Variants in SUGCT observed in about 807,000 individuals in gnomAD.
SUGCT encodes the protein succinyl-CoA:glutarate-CoA transferase.
A neutral mutation model predicts 55.0 loss-of-function variants in SUGCT; 41 were observed. The ratio of observed to expected loss-of-function variants is 0.74; its 90% CI spans 0.58 to 0.97. SUGCT has a LOEUF of 0.97. SUGCT is among the 50% of genes least tolerant of loss of function. The pLI, the probability that SUGCT is intolerant of heterozygous loss-of-function variation, is 0.00. For missense variants in SUGCT, 568 were observed against 547.8 expected, an observed-to-expected ratio of 1.04 and a Z score of -0.37; for synonymous variants, 187 against 200.4, an observed-to-expected ratio of 0.93 and a Z score of 0.56.
chr7:40,198,676 C>T (rs532166303), intron 6 of SUGCT, among the ~76,000 whole-genome samples: 2 of 142,828 alleles, frequency 1.4e-5, no homozygotes, highest in East Asian at 3.9e-4. Context: ...GCCTGACCAA[C>T]ATGACAAAAC....
intron 9 of SUGCT, among the ~76,000 whole-genome samples, chr7:40,376,908 G>T (rs868438907): frequency 2.6e-5 from 4 of 151,482 alleles, no homozygotes; most frequent in African/African-American, 9.7e-5. Context: ...TTTCTGAAGG[G>T]TATTTTCACT....
chr7:40,452,116 G>A (rs746877906), intron 10 of SUGCT, among the ~76,000 whole-genome samples: 3 of 152,222 alleles, frequency 2.0e-5, no homozygotes, highest in African/African-American at 7.2e-5. Flanking sequence ...AGCTATATTA[G>A]TGAGCTTTCA....
intron 13 of SUGCT, among the ~76,000 whole-genome samples, chr7:40,796,250 G>C (rs1165586350): frequency 6.6e-6 from 1 of 152,066 alleles, no homozygotes; most frequent in Non-Finnish European, 1.5e-5. Flanking sequence ...TCTGAGTGTT[G>C]GTGTCCCATT....
At chr7:40,246,879 G>A (rs531301820) in intron 7 of SUGCT, among the ~76,000 whole-genome samples, 71 of 152,166 alleles carry the variant, frequency 4.7e-4, no homozygotes, top group African/African-American at 1.4e-3. Flanking sequence ...GATTACAGAC[G>A]TGAGCCACCA....
chr7:40,995,767 C>T, the SUGCT span, among the ~76,000 whole-genome samples: 1 of 152,100 alleles, frequency 6.6e-6, no homozygotes, highest in Non-Finnish European at 1.5e-5. Context: ...CCTGGCAATC[C>T]ACCTACAGGC....
intron 12 of SUGCT, among the ~76,000 whole-genome samples, chr7:40,743,861 A>G (rs1016992222): frequency 3.9e-5 from 6 of 152,038 alleles, no homozygotes; most frequent in Admixed American, 3.3e-4. Flanking sequence ...TTAGAAAGAG[A>G]TATTATTATC....
At chr7:40,847,387 CAT>C (rs1418421687) in intron 13 of SUGCT, among the ~76,000 whole-genome samples, 1 of 145,386 alleles carries the variant, frequency 6.9e-6, no homozygotes, top group Non-Finnish European at 1.5e-5. Context: ...CTGGAGATGA[CAT>C]ATACATTTCT....
intron 11 of SUGCT, among the ~76,000 whole-genome samples, chr7:40,475,443 C>A (rs1407970794): frequency 6.6e-6 from 1 of 152,118 alleles, no homozygotes; most frequent in African/African-American, 2.4e-5. Flanking sequence ...TCGGTGAAAT[C>A]CAGGAATACT....
the SUGCT span, among the ~76,000 whole-genome samples, chr7:40,905,490 G>A: frequency 6.6e-6 from 1 of 152,080 alleles, no homozygotes; most frequent in Non-Finnish European, 1.5e-5. Flanking sequence ...CCCAGTTCAA[G>A]TTTTTTATCA....
intron 12 of SUGCT, among the ~76,000 whole-genome samples, chr7:40,505,190 A>G (rs1792519806): frequency 6.6e-6 from 1 of 151,938 alleles, no homozygotes; most frequent in South Asian, 2.1e-4. Flanking sequence ...ATTCTCTTTC[A>G]TGGTGGTTGA....
intron 9 of SUGCT, among the ~76,000 whole-genome samples, chr7:40,327,404 A>G (rs1325295620): frequency 1.3e-5 from 2 of 152,350 alleles, no homozygotes; most frequent in East Asian, 1.9e-4. Context: ...CCTCTGGGCT[A>G]CTTCTTAGGA....
the SUGCT span, among the ~76,000 whole-genome samples, chr7:40,907,939 A>G: frequency 6.6e-6 from 1 of 152,144 alleles, no homozygotes; most frequent in Non-Finnish European, 1.5e-5. Context: ...GTAAATAAGG[A>G]TCCAGTTTCA....
chr7:40,160,864 T>G (rs1162149060), intron 1 of SUGCT, among the ~76,000 whole-genome samples: 1 of 152,118 alleles, frequency 6.6e-6, no homozygotes, highest in Non-Finnish European at 1.5e-5. Context: ...CCCAGGAGAT[T>G]ATGTTTAGGG....
At chr7:40,355,361 A>G (rs560043574) in intron 9 of SUGCT, among the ~76,000 whole-genome samples, 1 of 152,346 alleles carries the variant, frequency 6.6e-6, no homozygotes, top group Admixed American at 6.5e-5. Context: ...TATGTCAATC[A>G]AAACCTATGA....
intron 12 of SUGCT, among the ~76,000 whole-genome samples, chr7:40,700,834 A>G (rs1584298201): frequency 6.6e-6 from 1 of 152,124 alleles, no homozygotes; most frequent in South Asian, 2.1e-4. Context: ...AAATGTATCT[A>G]TATTGTGGGA....
intron 11 of SUGCT, among the ~76,000 whole-genome samples, chr7:40,483,346 C>T (rs777402325): frequency 1.3e-4 from 20 of 152,110 alleles, no homozygotes; most frequent in Non-Finnish European, 2.4e-4. Flanking sequence ...CTTCTGCTTC[C>T]CTGCCAACAG....
intron 12 of SUGCT, among the ~76,000 whole-genome samples, chr7:40,609,314 C>T (rs1018026171): frequency 1.2e-4 from 19 of 152,018 alleles, no homozygotes; most frequent in African/African-American, 4.6e-4. Flanking sequence ...ATATGATTAT[C>T]CCAGCACTTT....
At chr7:40,909,711 C>A in the SUGCT span, among the ~76,000 whole-genome samples, 7 of 152,296 alleles carry the variant, frequency 4.6e-5, no homozygotes, top group South Asian at 1.4e-3. Context: ...TTCAACTACT[C>A]CACTTGTCTG....
At chr7:40,782,095 A>T (rs1789782129) in intron 13 of SUGCT, among the ~76,000 whole-genome samples, 1 of 152,104 alleles carries the variant, frequency 6.6e-6, no homozygotes, top group Non-Finnish European at 1.5e-5. Flanking sequence ...TCTAATATTT[A>T]GAAAAATCTT....
Sources: gnomAD v4.1 joint callset for allele counts (sites outside exome capture counted in the v4.1 genomes callset) on GRCh38, gnomAD v4.1.1 for gene constraint, MANE v1.5 for transcripts, NCBI Gene and HGNC (gene_info 2026-07-23, HGNC 2026-07-21) for gene names.